NFIB: variants seen among roughly 807,000 people sequenced by gnomAD.
NFIB encodes nuclear factor 1 B-type.
In NFIB, 11 loss-of-function variants were observed where a neutral mutation model predicts 61.5. The observed-to-expected ratio is 0.18, with a 90% CI of 0.11 to 0.30. The LOEUF is 0.30. Among genes scored for constraint, NFIB ranks in the 10% least tolerant of loss-of-function variants. NFIB has a pLI of 1.00. For missense variants in NFIB, 471 were observed against 608.9 expected, an observed-to-expected ratio of 0.77 and a Z score of 2.38; for synonymous variants, 260 against 216.5, an observed-to-expected ratio of 1.20 and a Z score of -1.76.
Position 14,225,523 on chromosome 9 carries a change from G to A in NFIB, c.563-45743C>T, listed in dbSNP as rs73645017. Among the ~76,000 whole-genome samples the A allele has an allele frequency of 5.5e-3, 818 of 149,574 alleles. 12 individuals are homozygous for A. The highest frequency in any genetic ancestry group is 0.019 in the African/African-American group (794 of 40,848). On this transcript the variant is annotated intron_variant, in intron 2 of 10. Coordinates refer to ENST00000380953, the MANE Select transcript of NFIB (RefSeq NM_001190737.2). ...GTAATATGATAGATTTGAAAGCAAT[G>A]ATTGAGCTTGTGCTGAAATGAAGTG...
intron 3 of NFIB, among the ~76,000 whole-genome samples, chr9:14,165,434 GAAC>G (rs2044677547): frequency 6.6e-6 from 1 of 152,108 alleles, no homozygotes; most frequent in Non-Finnish European, 1.5e-5. Flanking sequence ...ATTATCAAAA[GAAC>G]AATACACTAT....
At chr9:14,112,102 G>A (rs1007871286) in intron 10 of NFIB, among the ~76,000 whole-genome samples, 1 of 152,082 alleles carries the variant, frequency 6.6e-6, no homozygotes, top group African/African-American at 2.4e-5. Flanking sequence ...GTTAACACCA[G>A]CTCTTTATTA....
At chr9:14,450,654 C>T in the NFIB span, among the ~76,000 whole-genome samples, 1 of 152,190 alleles carries the variant, frequency 6.6e-6, no homozygotes, top group Non-Finnish European at 1.5e-5. Context: ...ACCCCTCCCC[C>T]CGCACCACAA....
At chr9:14,437,387 T>G in the NFIB span, among the ~76,000 whole-genome samples, 1 of 152,226 alleles carries the variant, frequency 6.6e-6, no homozygotes, top group Non-Finnish European at 1.5e-5. Flanking sequence ...CAACACATTT[T>G]AAATAGGGAT....
chr9:14,136,316 A>G (rs561226604), intron 6 of NFIB, among the ~76,000 whole-genome samples: 1 of 152,166 alleles, frequency 6.6e-6, no homozygotes, highest in Non-Finnish European at 1.5e-5. Context: ...CAGGACTTGG[A>G]GCATATTTTC....
At chr9:14,183,351 C>T (rs2047010134) in intron 2 of NFIB, among the ~76,000 whole-genome samples, 1 of 152,056 alleles carries the variant, frequency 6.6e-6, no homozygotes, top group East Asian at 1.9e-4. Flanking sequence ...AGGAACAAGG[C>T]TGCTAAGAGT....
the NFIB span, among the ~76,000 whole-genome samples, chr9:14,493,336 A>G: frequency 6.6e-6 from 1 of 152,336 alleles, no homozygotes; most frequent in African/African-American, 2.4e-5. Context: ...AATTACCAGG[A>G]ATAAGCACTG....
intron 4 of NFIB, among the ~76,000 whole-genome samples, chr9:14,150,695 C>T (rs760584521): frequency 4.6e-5 from 7 of 151,712 alleles, no homozygotes; most frequent in Non-Finnish European, 5.9e-5. Context: ...AACAGAGAAC[C>T]GTTTCACAAA....
chr9:14,484,499 T>G, the NFIB span, among the ~76,000 whole-genome samples: 1 of 152,190 alleles, frequency 6.6e-6, no homozygotes, highest in South Asian at 2.1e-4. Flanking sequence ...TTTTTATAAG[T>G]AACCAGAACA....
intron 2 of NFIB, among the ~76,000 whole-genome samples, chr9:14,260,847 T>G (rs138414888): frequency 6.6e-6 from 1 of 152,334 alleles, no homozygotes; most frequent in East Asian, 1.9e-4. Context: ...TTTCTGAATT[T>G]GAAGGCACTC....
intron 3 of NFIB, among the ~76,000 whole-genome samples, chr9:14,172,175 T>C (rs987207365): frequency 5.9e-5 from 9 of 152,198 alleles, no homozygotes; most frequent in Non-Finnish European, 1.3e-4. Context: ...CAAGATGGAA[T>C]TTCAGGGGAA....
At chr9:14,372,139 T>G (rs2061365336) in intron 1 of NFIB, among the ~76,000 whole-genome samples, 2 of 151,792 alleles carry the variant, frequency 1.3e-5, no homozygotes, top group African/African-American at 4.8e-5. Context: ...GAGATAGATA[T>G]TTCCATACCC....
chr9:14,129,642 G>A lies in NFIB; in HGVS notation c.926-3876C>T, dbSNP rs1179623179. Among the ~76,000 whole-genome samples, 4 of 152,134 alleles carry A rather than the reference G, an allele frequency of 2.6e-5. No homozygotes were observed. In the East Asian group the frequency reaches 7.7e-4, roughly 29 times the overall value. On this transcript the variant is annotated intron_variant, in intron 6 of 10. Transcript: ENST00000380953. ...CATATGCTACAAAAAAAAGTTTGAA[G>A]AATGAATATATAGAAAAGATACTTT...
In NFIB at chr9:14,170,394, C is replaced by T. The variant is rs1587271663; in HGVS notation, c.616+9333G>A. Among the ~76,000 whole-genome samples, 4 of 152,304 alleles carry T rather than the reference C, an allele frequency of 2.6e-5. 1 individual carries two copies. Among genetic ancestry groups the T allele is most frequent in the Admixed American group, 2.6e-4 (4 of 15,288 alleles). On this transcript the variant is annotated intron_variant, in intron 3 of 10. Coordinates refer to ENST00000380953, the MANE Select transcript of NFIB (RefSeq NM_001190737.2). ...TGGTGGCTCATGCTTATAATCCCAA[C>T]ACTTTGGGAGGCTGAGGTGGGAGGA...
chr9:14,446,180 G>A, the NFIB span, among the ~76,000 whole-genome samples: 2 of 152,100 alleles, frequency 1.3e-5, no homozygotes, highest in Non-Finnish European at 2.9e-5. Flanking sequence ...GGTTTTGTTT[G>A]TATGTTATGT....
At chr9:14,283,948 A>G (rs1402211089) in intron 2 of NFIB, among the ~76,000 whole-genome samples, 1 of 152,242 alleles carries the variant, frequency 6.6e-6, no homozygotes, top group African/African-American at 2.4e-5. Context: ...TGCTTCATAC[A>G]CACATTATTA....
At chr9:14,453,993 G>T in the NFIB span, among the ~76,000 whole-genome samples, 3 of 151,934 alleles carry the variant, frequency 2.0e-5, no homozygotes, top group Non-Finnish European at 1.5e-5. Flanking sequence ...CAGGAGAATC[G>T]CTTGAACCCG....
At chr9:14,282,119 T>C (rs899802132) in intron 2 of NFIB, among the ~76,000 whole-genome samples, 2 of 152,234 alleles carry the variant, frequency 1.3e-5, no homozygotes, top group Non-Finnish European at 2.9e-5. Context: ...TCTGCTACTA[T>C]ATAAATTGGA....
chr9:14,226,277 G>C (rs988659520), intron 2 of NFIB, among the ~76,000 whole-genome samples: 3 of 152,104 alleles, frequency 2.0e-5, no homozygotes, highest in East Asian at 1.9e-4. Flanking sequence ...GCTAGGCACA[G>C]TGGCTGACCC....
Sources: allele counts gnomAD v4.1 joint callset (sites outside exome capture counted in the v4.1 genomes callset), GRCh38; gene constraint gnomAD v4.1.1; transcripts MANE v1.5; gene names NCBI Gene and HGNC (gene_info 2026-07-23, HGNC 2026-07-21).